The following REDIC1 variants were observed in gnomAD, a reference collection of about 807,000 sequenced individuals.
REDIC1 encodes HEI10 Interacting Protein 1.
chr12:39,813,912 T>C, the REDIC1 span, among the ~76,000 whole-genome samples: 1 of 152,232 alleles, frequency 6.6e-6, no homozygotes, highest in Non-Finnish European at 1.5e-5. Context: ...GGAAACTGTC[T>C]GAAGCCTACA....
chr12:39,753,635 G>C, the REDIC1 span, among the ~76,000 whole-genome samples: 1 of 152,136 alleles, frequency 6.6e-6, no homozygotes, highest in Non-Finnish European at 1.5e-5. Context: ...CCTAGTAGTT[G>C]TTCTCAGGAA....
chr12:39,715,040 T>A, the REDIC1 span, among the ~76,000 whole-genome samples: 2 of 152,072 alleles, frequency 1.3e-5, no homozygotes, highest in Non-Finnish European at 2.9e-5. Flanking sequence ...TGACTGTTCC[T>A]TTTGCCGTGC....
the REDIC1 span, among the ~76,000 whole-genome samples, chr12:39,675,517 A>T: frequency 6.6e-6 from 1 of 152,212 alleles, no homozygotes; most frequent in African/African-American, 2.4e-5. Flanking sequence ...TCAGTCCATT[A>T]TAGCAACTCA....
At chr12:39,866,775 G>A in the REDIC1 span, among the ~76,000 whole-genome samples, 1 of 152,180 alleles carries the variant, frequency 6.6e-6, no homozygotes, top group Non-Finnish European at 1.5e-5. Context: ...CACAGCGCCC[G>A]GCCGAAAGAT....
At chr12:39,682,860 G>A in the REDIC1 span, 1 of 1,612,464 alleles carries the variant, frequency 6.2e-7, no homozygotes, top group South Asian at 1.1e-5. Flanking sequence ...ACATAGATGA[G>A]CAAAGGATAA....
At chr12:39,885,134 T>C in the REDIC1 span, among the ~76,000 whole-genome samples, 6 of 152,312 alleles carry the variant, frequency 3.9e-5, no homozygotes, top group South Asian at 6.2e-4. Context: ...AGGAGCTCTG[T>C]GCACTGCAGC....
the REDIC1 span, among the ~76,000 whole-genome samples, chr12:39,890,744 G>A: frequency 6.6e-6 from 1 of 152,134 alleles, no homozygotes; most frequent in Non-Finnish European, 1.5e-5. Context: ...TGCAGCAGCT[G>A]TAGAAAACCA....
chr12:39,896,745 A>G, the REDIC1 span, among the ~76,000 whole-genome samples: 1 of 152,054 alleles, frequency 6.6e-6, no homozygotes, highest in East Asian at 1.9e-4. Context: ...AACATCTTGC[A>G]GTTTCTATTA....
the REDIC1 span, among the ~76,000 whole-genome samples, chr12:39,782,364 A>C: frequency 1.5e-4 from 23 of 152,130 alleles, no homozygotes; most frequent in African/African-American, 4.6e-4. Flanking sequence ...TTTCTATGCT[A>C]TTCTTGTAAT....
the REDIC1 span, chr12:39,871,802 T>C: frequency 6.2e-7 from 1 of 1,600,724 alleles, no homozygotes; most frequent in Non-Finnish European, 8.5e-7. Flanking sequence ...ACCTACCTGC[T>C]AAACTACCAA....
chr12:39,690,519 TTAGCAATTAACATATTGAATATGA>T, the REDIC1 span, among the ~76,000 whole-genome samples: 53 of 152,068 alleles, frequency 3.5e-4, 2 homozygotes, highest in South Asian at 2.1e-4. Flanking sequence ...TGAAACCCAC[TTAGCAATTAACATATTGAATATGA>T]TAGCAATTAA....
chr12:39,798,796 A>C, the REDIC1 span, among the ~76,000 whole-genome samples: 2 of 152,170 alleles, frequency 1.3e-5, no homozygotes, highest in African/African-American at 2.4e-5. Flanking sequence ...GAAGCTCAAA[A>C]TACTTTGTAT....
chr12:39,658,850 C>T, the REDIC1 span, among the ~76,000 whole-genome samples: 2 of 151,652 alleles, frequency 1.3e-5, no homozygotes, highest in African/African-American at 2.4e-5. Context: ...TTTATTTCTT[C>T]TCTCCTTTGG....
At chr12:39,771,097 C>G in the REDIC1 span, among the ~76,000 whole-genome samples, 1 of 152,132 alleles carries the variant, frequency 6.6e-6, no homozygotes, top group Non-Finnish European at 1.5e-5. Flanking sequence ...TTTCTTGAAT[C>G]TGACTTTTCT....
chr12:39,718,945 A>G, the REDIC1 span, among the ~76,000 whole-genome samples: 2 of 152,064 alleles, frequency 1.3e-5, no homozygotes, highest in Non-Finnish European at 2.9e-5. Context: ...CTTTTTCTCA[A>G]ATCACATTAG....
the REDIC1 span, among the ~76,000 whole-genome samples, chr12:39,680,950 C>G: frequency 6.6e-6 from 1 of 152,178 alleles, no homozygotes; most frequent in African/African-American, 2.4e-5. Context: ...TAAGTGGGAA[C>G]TAAGCTTTGA....
the REDIC1 span, among the ~76,000 whole-genome samples, chr12:39,752,380 G>A: frequency 6.6e-6 from 1 of 152,096 alleles, no homozygotes; most frequent in African/African-American, 2.4e-5. Flanking sequence ...CTGGTGATCT[G>A]GGGCGGAACA....
the REDIC1 span, among the ~76,000 whole-genome samples, chr12:39,706,870 A>G: frequency 6.6e-6 from 1 of 152,040 alleles, no homozygotes; most frequent in Non-Finnish European, 1.5e-5. Flanking sequence ...TGGATTAAAG[A>G]CTTAAATCTA....
chr12:39,670,078 C>G, the REDIC1 span, among the ~76,000 whole-genome samples: 2 of 152,164 alleles, frequency 1.3e-5, no homozygotes, highest in Admixed American at 6.5e-5. Flanking sequence ...TCCGACACTC[C>G]CCAGTGAGAT....
Sources: gnomAD v4.1 joint callset for allele counts (sites outside exome capture counted in the v4.1 genomes callset) on GRCh38, gnomAD v4.1.1 for gene constraint, MANE v1.5 for transcripts, NCBI Gene and HGNC (gene_info 2026-07-23, HGNC 2026-07-21) for gene names.